Variants in ERICH6B observed in about 807,000 individuals in gnomAD.
ERICH6B encodes glutamate rich 6B, also known as glutamate-rich protein 6B.
In ERICH6B, 69 loss-of-function variants were observed where a neutral mutation model predicts 80.0. The ratio of observed to expected loss-of-function variants is 0.86; its 90% CI spans 0.71 to 1.05. The LOEUF is 1.05. Ranked by LOEUF, ERICH6B falls within the 50% of genes least tolerant of loss-of-function variation. ERICH6B has a pLI of 0.00. For missense variants in ERICH6B, 754 were observed against 796.1 expected, an observed-to-expected ratio of 0.95 and a Z score of 0.64; for synonymous variants, 283 against 291.9, an observed-to-expected ratio of 0.97 and a Z score of 0.31.
intron 9 of ERICH6B, among the ~76,000 whole-genome samples, chr13:45,567,739 G>A (rs1874978291): frequency 6.6e-6 from 1 of 152,234 alleles, no homozygotes; most frequent in Non-Finnish European, 1.5e-5. Context: ...AACAGTTTGT[G>A]ACCTGGGGCC....
chr13:45,591,664 T>C (rs1566301674), intron 3 of ERICH6B, among the ~76,000 whole-genome samples: 1 of 152,174 alleles, frequency 6.6e-6, no homozygotes, highest in Non-Finnish European at 1.5e-5. Flanking sequence ...AATGGTGAAG[T>C]TATAATACTA....
At chr13:45,546,932 C>T (rs1053732406) in intron 13 of ERICH6B, among the ~76,000 whole-genome samples, 4 of 152,176 alleles carry the variant, frequency 2.6e-5, no homozygotes, top group Admixed American at 2.6e-4. Flanking sequence ...TTCTAAGGTC[C>T]TTTGTCTTGG....
chr13:45,550,264 T>G lies in ERICH6B; in HGVS notation c.1460A>C (p.Gln487Pro). 6.4e-7 allele frequency: 1 copy of G among 1,551,676 alleles called. No individual in the cohort carries two copies. The highest frequency in any genetic ancestry group is 1.2e-5 in the South Asian group (1 of 84,054). Reference protein sequence around the residue: ...LILYPNKNVYQILFPDGTGQI... With the variant: ...LILYPNKNVYPILFPDGTGQI... ...GCCTGTCCCATCAGGAAAGAGAATT[T>G]GATAGACATTCTTGTTGGGGTAGAG... Residue 487 changes from glutamine (Q) to proline (P), a missense_variant, in exon 12 of 15, where the codon CAA becomes CCA. Physicochemically the swap from Gln to Pro is moderately conservative, Grantham distance 76. Coordinates refer to ENST00000298738, the MANE Select transcript of ERICH6B (RefSeq NM_182542.3).
intron 1 of ERICH6B, among the ~76,000 whole-genome samples, chr13:45,612,507 T>C (rs565599327): frequency 6.6e-6 from 1 of 152,350 alleles, no homozygotes; most frequent in East Asian, 1.9e-4. Flanking sequence ...CAGCACTACC[T>C]CTGGCCCCTG....
chr13:45,584,973 C>T (rs1001106403), intron 5 of ERICH6B, among the ~76,000 whole-genome samples: 7 of 152,176 alleles, frequency 4.6e-5, no homozygotes, highest in African/African-American at 1.4e-4. Flanking sequence ...TTGCACTTCC[C>T]TACCTTCCTG....
At chr13:45,553,851 A>G (rs2137966652) in intron 11 of ERICH6B, among the ~76,000 whole-genome samples, 1 of 152,336 alleles carries the variant, frequency 6.6e-6, no homozygotes, top group Admixed American at 6.5e-5. Context: ...ATTGACAATT[A>G]AAAATTGTAT....
Position 45,544,975 on chromosome 13 carries a change from T to G in ERICH6B, c.1657A>C (p.Ser553Arg). 1 of 1,550,596 alleles carries G rather than the reference T, an allele frequency of 6.4e-7. No homozygotes were observed. The highest frequency in any genetic ancestry group is 8.7e-7 in the Non-Finnish European group (1 of 1,146,954). The change falls in exon 14 of 15, where the codon AGC becomes CGC. Residue 553 changes from serine (S) to arginine (R), a missense_variant. Transcript: ENST00000298738. Reference sequence around the variant, plus strand: ...GGGAAGTAGTAGCCCAGGTTGGAGCTCAGGTTCAACCTGGACCAGGAGAAA... The same window carrying G: ...GGGAAGTAGTAGCCCAGGTTGGAGCGCAGGTTCAACCTGGACCAGGAGAAA... ...DENSDIWLNL[S>R]SNLGYYFPKD...
At chr13:45,553,820 T>C (rs910434851) in intron 11 of ERICH6B, among the ~76,000 whole-genome samples, 1 of 152,180 alleles carries the variant, frequency 6.6e-6, no homozygotes, top group Non-Finnish European at 1.5e-5. Context: ...AAAAAGCCCT[T>C]TAAAATTTTT....
Position 45,587,204 on chromosome 13 carries a change from T to A in ERICH6B, c.715A>T (p.Thr239Ser). Residue 239 changes from threonine (T) to serine (S), a missense_variant, in exon 5 of 15, where the codon ACC becomes TCC. By Grantham distance (58) the Thr-to-Ser change is moderately conservative (BLOSUM62 1). Coordinates refer to ENST00000298738, the MANE Select transcript of ERICH6B (RefSeq NM_182542.3). ...GTCAACGGGACAGTCAAGAAGGTGGTCACCTGAGAGGGGCCAGCGTCTGGA... is the reference window on the plus strand; with the variant it reads ...GTCAACGGGACAGTCAAGAAGGTGGACACCTGAGAGGGGCCAGCGTCTGGA... ...RSPDAGPSQV[T>S]TFLTVPLTFA... 1.3e-6 allele frequency: 2 copies of A among 1,551,606 alleles called. No homozygotes were observed. The highest frequency in any genetic ancestry group is 1.7e-6 in the Non-Finnish European group (2 of 1,146,970).
chr13:45,555,709 G>T (rs975715307), intron 11 of ERICH6B, among the ~76,000 whole-genome samples: 4 of 151,972 alleles, frequency 2.6e-5, no homozygotes, highest in Admixed American at 6.6e-5. Context: ...ACTTTGAAAG[G>T]GAGCCACTCA....
At position 45,596,529 on chromosome 13, in the gene ERICH6B, C is replaced by T; in HGVS notation, c.477G>A (p.Gly159=). The change falls in exon 3 of 15, where the codon GGG becomes GGA. Residue 159 remains glycine, a synonymous_variant. Coordinates refer to ENST00000298738, the MANE Select transcript of ERICH6B (RefSeq NM_182542.3). ...EDYIEEVDYL[G]KKAYLEEEEY... ...CCTCCTCCTCCAGATACGCTTTCTT[C>T]CCCAGATAATCTACCTCCTCAATAT... 1 of 1,552,190 alleles carries T rather than the reference C, an allele frequency of 6.4e-7. No individual in the cohort carries two copies. Among genetic ancestry groups the T allele is most frequent in the Non-Finnish European group, 8.7e-7 (1 of 1,147,034 alleles).
chr13:45,545,119 C>T, intron 13 of ERICH6B, 134 bp from the exon 14 acceptor site: 1 of 747,424 alleles, frequency 1.3e-6, no homozygotes, highest in South Asian at 1.9e-5. Context: ...AGGAGAAGCT[C>T]CAACATGGAC....
At chr13:45,606,535 ATATATATATATATTTTTTT>A (rs1386769922) in intron 2 of ERICH6B, among the ~76,000 whole-genome samples, 202 of 14,368 alleles carry the variant, frequency 0.014, no homozygotes, top group Non-Finnish European at 0.022. Context: ...ATATATATAT[ATATATATATATATTTTTTT>A]TTTTTTTTTT....
At chr13:45,586,818 G>T (rs1398842853) in intron 5 of ERICH6B, among the ~76,000 whole-genome samples, 1 of 152,162 alleles carries the variant, frequency 6.6e-6, no homozygotes, top group Non-Finnish European at 1.5e-5. Flanking sequence ...GAAGCTATTT[G>T]TTTCAGTACT....
intron 5 of ERICH6B, among the ~76,000 whole-genome samples, chr13:45,586,628 G>A (rs1189001853): frequency 1.3e-5 from 2 of 151,996 alleles, no homozygotes; most frequent in African/African-American, 4.8e-5. Context: ...TCTGAGGTGG[G>A]CCCATGTCCC....
rs191562232 is a variant in ERICH6B at position 45,580,492 on chromosome 13, G to T, written c.919+111C>A. On this transcript the variant is annotated intron_variant, in intron 6 of 14. Coordinates refer to ENST00000298738, the MANE Select transcript of ERICH6B (RefSeq NM_182542.3). ...CATTAAGCCTGCTCTGTTCTAAAAT[G>T]GCCAACAGCATGCTCTCCTTGGCTG... 9.6e-5 allele frequency: 106 copies of T among 1,102,940 alleles called. No individual in the cohort carries two copies. In the African/African-American group the frequency reaches 1.4e-3, roughly 14 times the overall value. The allele number at this position is 1,102,940 out of a possible 1,614,324, so 68.3% of individuals were successfully genotyped here. A position where few individuals can be genotyped will look rare whatever the true frequency, so the allele number is the denominator to read the frequency against.
At chr13:45,555,765 G>T (rs768589466) in intron 11 of ERICH6B, among the ~76,000 whole-genome samples, 3 of 151,970 alleles carry the variant, frequency 2.0e-5, no homozygotes, top group Non-Finnish European at 4.4e-5. Context: ...GAAAGAAATA[G>T]ACATCTGTTC....
chr13:45,612,563 A>G (rs1320898232), intron 1 of ERICH6B, among the ~76,000 whole-genome samples: 1 of 152,144 alleles, frequency 6.6e-6, no homozygotes, highest in East Asian at 1.9e-4. Context: ...ACTTAATTAA[A>G]AGCTAGCCAG....
At chr13:45,608,728 T>C in intron 1 of ERICH6B, among the ~76,000 whole-genome samples, 1 of 152,348 alleles carries the variant, frequency 6.6e-6, no homozygotes. Flanking sequence ...TTCTGTGTAT[T>C]AAATTGTGAC....
Sources: gnomAD v4.1 joint callset for allele counts (sites outside exome capture counted in the v4.1 genomes callset) on GRCh38, gnomAD v4.1.1 for gene constraint, MANE v1.5 for transcripts, NCBI Gene and HGNC (gene_info 2026-07-23, HGNC 2026-07-21) for gene names.